The following CDCP1 variants were observed in gnomAD, a reference collection of about 807,000 sequenced individuals.
CDCP1 encodes CUB domain containing protein 1, also known as CUB domain-containing protein 1.
CDCP1 carries 29 observed loss-of-function variants against 60.2 expected under a neutral mutation model. That is an observed-to-expected ratio of 0.48 (90% confidence interval 0.36 to 0.66). The LOEUF (loss-of-function observed/expected upper bound fraction) is 0.66. Ranked by LOEUF, CDCP1 falls within the 30% of genes least tolerant of loss-of-function variation. CDCP1 has a pLI of 0.00. For synonymous variants in CDCP1, 387 were observed against 431.1 expected, an observed-to-expected ratio of 0.90 and a Z score of 1.27; for missense variants, 876 against 1,074.3, an observed-to-expected ratio of 0.82 and a Z score of 2.58.
chr3:45,105,338 A>G (rs1698544601), intron 4 of CDCP1, among the ~76,000 whole-genome samples: 1 of 152,224 alleles, frequency 6.6e-6, no homozygotes, highest in South Asian at 2.1e-4. Flanking sequence ...AAGTTACCCA[A>G]CAAAAACAAA....
chr3:45,088,681 G>A (rs954314648), intron 8 of CDCP1, among the ~76,000 whole-genome samples: 1 of 152,110 alleles, frequency 6.6e-6, no homozygotes, highest in Non-Finnish European at 1.5e-5. Flanking sequence ...TCTCCTTAGG[G>A]TGACGGAGGG....
At position 45,085,478 on chromosome 3, in the gene CDCP1, A is replaced by C; in HGVS notation, c.*160T>G. 2.9e-6 allele frequency: 2 copies of C among 696,614 alleles called. No individual in the cohort carries two copies. Among genetic ancestry groups the C allele is most frequent in the Non-Finnish European group, 4.9e-6 (2 of 404,154 alleles). 43.2% of individuals were successfully genotyped at this position (696,614 alleles called of 1,614,324 possible). On this transcript the variant is annotated 3_prime_UTR_variant, in exon 9 of 9. Coordinates refer to ENST00000296129, the MANE Select transcript of CDCP1 (RefSeq NM_022842.5). The surrounding 1 kb of genome is among the most constrained non-coding windows in gnomAD (Gnocchi z 4.2). ...TCATTTTCAATGTCTTGCCCTTAGA[A>C]TGAGTCCACTGAGCAATGTGAAGTT...
intron 1 of CDCP1, among the ~76,000 whole-genome samples, chr3:45,132,552 G>A (rs1241641673): frequency 6.8e-6 from 1 of 147,554 alleles, no homozygotes. Context: ...CCTGTTCTGC[G>A]GCCCCCATCA....
At chr3:45,092,430 C>T (rs890715008) in intron 6 of CDCP1, among the ~76,000 whole-genome samples, 1 of 152,168 alleles carries the variant, frequency 6.6e-6, no homozygotes, top group South Asian at 2.1e-4. Context: ...CTAATCCCTT[C>T]CTTACCTTCA....
chr3:45,134,336 G>A (rs1699157138), intron 1 of CDCP1, among the ~76,000 whole-genome samples: 1 of 152,198 alleles, frequency 6.6e-6, no homozygotes, highest in Non-Finnish European at 1.5e-5. Flanking sequence ...GTGTTAGCCA[G>A]GATGGTCTCG....
Position 45,084,814 on chromosome 3 carries a change from C to T in CDCP1, c.*824G>A, listed in dbSNP as rs1444426247. On this transcript the variant is annotated 3_prime_UTR_variant, in exon 9 of 9. Coordinates refer to ENST00000296129, the MANE Select transcript of CDCP1 (RefSeq NM_022842.5). ...GAGGATGAGAATATTCTCTAAATTT[C>T]TCTTTAAATGTCAAAGTATTGCTGC... 1 of 152,618 alleles carries T rather than the reference C, an allele frequency of 6.6e-6. No homozygotes were observed. The highest frequency in any genetic ancestry group is 6.5e-5 in the Admixed American group (1 of 15,284). 9.5% of individuals were successfully genotyped at this position (152,618 alleles called of 1,614,324 possible).
At chr3:45,111,243 T>C (rs1698687776) in intron 3 of CDCP1, among the ~76,000 whole-genome samples, 1 of 152,210 alleles carries the variant, frequency 6.6e-6, no homozygotes, top group African/African-American at 2.4e-5. Flanking sequence ...CAGGCAACAG[T>C]AAAATAATTA....
chr3:45,095,646 C>T (rs1285798156), intron 4 of CDCP1, 78 bp from the exon 5 acceptor site: 2 of 1,213,552 alleles, frequency 1.6e-6, no homozygotes, highest in Non-Finnish European at 2.4e-6. Flanking sequence ...GGTAGAAAAC[C>T]TCTCCTGAGG....
intron 1 of CDCP1, among the ~76,000 whole-genome samples, chr3:45,144,094 A>G (rs1699340974): frequency 6.6e-6 from 1 of 152,210 alleles, no homozygotes. Flanking sequence ...ATCCCAATGT[A>G]ACCAGTGTTT....
At chr3:45,134,405 C>T (rs147329370) in intron 1 of CDCP1, among the ~76,000 whole-genome samples, 4,676 of 151,528 alleles carry the variant, frequency 0.031, 105 homozygotes, top group Middle Eastern at 0.054. Context: ...ATTACAGGCG[C>T]GGGCCACCGC....
At chr3:45,098,139 A>G (rs1698432512) in intron 4 of CDCP1, among the ~76,000 whole-genome samples, 1 of 151,834 alleles carries the variant, frequency 6.6e-6, no homozygotes, top group Non-Finnish European at 1.5e-5. Context: ...CCTCATTTCC[A>G]TCTTACCAAA....
chr3:45,117,887 T>G (rs1698820438), intron 2 of CDCP1, among the ~76,000 whole-genome samples: 1 of 152,220 alleles, frequency 6.6e-6, no homozygotes, highest in African/African-American at 2.4e-5. Flanking sequence ...GATCTTGAAC[T>G]CCTGACCTCA....
At chr3:45,098,395 G>A (rs1698436900) in intron 4 of CDCP1, among the ~76,000 whole-genome samples, 1 of 152,088 alleles carries the variant, frequency 6.6e-6, no homozygotes, top group Admixed American at 6.6e-5. Flanking sequence ...AAAAAGATAT[G>A]GAGAGAAATA....
At position 45,146,347 on chromosome 3, in the gene CDCP1, C is replaced by G. The variant is rs1025584258; in HGVS notation, c.-60G>C. 1.4e-6 allele frequency: 2 copies of G among 1,433,336 alleles called. No homozygotes were observed. Among genetic ancestry groups the G allele is most frequent in the African/African-American group, 3.0e-5 (2 of 66,956 alleles). 88.8% of individuals were successfully genotyped at this position (1,433,336 alleles called of 1,614,324 possible). ...GACGGTGGGGAGCGGCGGCCCCAGG[C>G]GCCCAAGCCCGGCGCAGCTGCGCTC... On this transcript the variant is annotated 5_prime_UTR_variant, in exon 1 of 9. Transcript: ENST00000296129.
chr3:45,146,395 C>T (rs1049874082), upstream of CDCP1: 8 of 954,650 alleles, frequency 8.4e-6, no homozygotes, highest in South Asian at 6.3e-5. Context: ...CTCACCTGCG[C>T]GCGGGCGGAC....
intron 4 of CDCP1, among the ~76,000 whole-genome samples, chr3:45,099,998 C>T (rs1354217561): frequency 6.6e-6 from 1 of 151,632 alleles, no homozygotes; most frequent in Non-Finnish European, 1.5e-5. Context: ...CATTAGGCTT[C>T]ACCAGATGTC....
intron 4 of CDCP1, 88 bp downstream of exon 4, chr3:45,110,385 A>G (rs957704090): frequency 5.3e-6 from 8 of 1,522,462 alleles, no homozygotes; most frequent in Non-Finnish European, 7.0e-6. Flanking sequence ...CAGATGAGAA[A>G]CAGGAAGGGA....
chr3:45,108,082 G>A (rs1377807994), intron 4 of CDCP1, among the ~76,000 whole-genome samples: 7 of 151,662 alleles, frequency 4.6e-5, no homozygotes, highest in Non-Finnish European at 7.4e-5. Context: ...CCGAGATCAC[G>A]CCACTGCACT....
chr3:45,141,918 GC>G (rs1199437899), intron 1 of CDCP1, among the ~76,000 whole-genome samples: 4 of 151,916 alleles, frequency 2.6e-5, no homozygotes, highest in African/African-American at 7.3e-5. Flanking sequence ...TCCAACCTCT[GC>G]CCCCCGGGTT....
Sources: gnomAD v4.1 joint callset for allele counts (sites outside exome capture counted in the v4.1 genomes callset) on GRCh38, gnomAD v4.1.1 for gene constraint, Gnocchi (gnomAD v3.1) non-coding constraint, MANE v1.5 for transcripts, NCBI Gene and HGNC (gene_info 2026-07-23, HGNC 2026-07-21) for gene names.